NCR1: variants seen among roughly 807,000 people sequenced by gnomAD.
NCR1 encodes the protein natural cytotoxicity triggering receptor 1, also known as NK cell-activating receptor.
NCR1 carries 30 observed loss-of-function variants against 32.5 expected under a neutral mutation model. The ratio of observed to expected loss-of-function variants is 0.92; its 90% CI spans 0.69 to 1.25. The LOEUF (loss-of-function observed/expected upper bound fraction) is 1.25, where lower values mean the gene tolerates loss of function less well. NCR1 is among the 50% of genes most tolerant of loss of function. The pLI is 0.00. For missense variants in NCR1, 369 were observed against 380.7 expected (o/e 0.97, Z 0.26); for synonymous variants, 169 against 143.4 (o/e 1.18, Z -1.28).
chr19:54,901,105 A>G, the NCR1 span, among the ~76,000 whole-genome samples: 8 of 139,500 alleles, frequency 5.7e-5, no homozygotes, highest in African/African-American at 2.2e-4. Context: ...TAACATGGTG[A>G]AACCCCATCT....
the NCR1 span, among the ~76,000 whole-genome samples, chr19:54,935,445 T>A: frequency 3.3e-5 from 5 of 152,012 alleles, no homozygotes. Flanking sequence ...CCTGTAATCC[T>A]AGCACTTTGG....
chr19:54,916,797 C>T (rs910795812), downstream of NCR1, among the ~76,000 whole-genome samples: 18 of 147,648 alleles, frequency 1.2e-4, no homozygotes, highest in South Asian at 4.3e-4. Flanking sequence ...CTCCGCTTTC[C>T]GGGTTCAAGC....
the NCR1 span, among the ~76,000 whole-genome samples, chr19:54,921,590 G>T: frequency 6.6e-6 from 1 of 152,024 alleles, no homozygotes; most frequent in African/African-American, 2.4e-5. Flanking sequence ...TGGCTAACAT[G>T]GTGAAACCTC....
At chr19:54,908,480 C>G (rs1219068922) in intron 3 of NCR1, among the ~76,000 whole-genome samples, 1 of 152,098 alleles carries the variant, frequency 6.6e-6, no homozygotes, top group Non-Finnish European at 1.5e-5. Flanking sequence ...TCATCATGGC[C>G]CGTTCTCAAT....
intron 5 of NCR1, among the ~76,000 whole-genome samples, chr19:54,911,352 A>AAAAAAG (rs762610378): frequency 6.9e-6 from 1 of 145,910 alleles, no homozygotes; most frequent in East Asian, 2.0e-4. Flanking sequence ...CCGTCTCAAA[A>AAAAAAG]AAAAAGAAAA....
chr19:54,906,925 G>A (rs2067660617), intron 3 of NCR1, 118 bp downstream of exon 3: 4 of 1,232,360 alleles, frequency 3.2e-6, no homozygotes, highest in Non-Finnish European at 3.4e-6. Context: ...GAGGCTGGAA[G>A]GAGGGGTGAT....
chr19:54,901,214 C>T (rs891108983), upstream of NCR1, among the ~76,000 whole-genome samples: 11 of 150,126 alleles, frequency 7.3e-5, no homozygotes, highest in South Asian at 8.5e-4. Flanking sequence ...GGCATAAACT[C>T]GGGAGGCAGA....
At chr19:54,918,699 C>T (rs1414408735), downstream of NCR1, among the ~76,000 whole-genome samples, 1 of 151,972 alleles carries the variant, frequency 6.6e-6, no homozygotes, top group African/African-American at 2.4e-5. Flanking sequence ...CAGAGCCAGG[C>T]ACGGTGGCGG....
the NCR1 span, among the ~76,000 whole-genome samples, chr19:54,937,187 C>A: frequency 6.7e-6 from 1 of 149,108 alleles, no homozygotes; most frequent in Non-Finnish European, 1.5e-5. Flanking sequence ...CACTGCACTC[C>A]AGCCTGGGGA....
At chr19:54,934,703 T>A in the NCR1 span, 138 of 1,522,000 alleles carry the variant, frequency 9.1e-5, no homozygotes, top group African/African-American at 1.7e-3. The surrounding 1 kb of genome is among the most constrained non-coding windows in gnomAD (Gnocchi z 6.7). Context: ...GAGGACAGAG[T>A]ATACCCTATC....
the NCR1 span, chr19:54,936,230 T>A: frequency 3.7e-6 from 6 of 1,602,804 alleles, no homozygotes; most frequent in African/African-American, 8.0e-5. Context: ...GGACTCCAGG[T>A]GCTGGGGAGA....
chr19:54,910,425 C>T (rs1292708579), intron 5 of NCR1, among the ~76,000 whole-genome samples: 1 of 152,010 alleles, frequency 6.6e-6, no homozygotes, highest in Non-Finnish European at 1.5e-5. Context: ...CAAAAATTAG[C>T]CGGGCCTGGT....
chr19:54,923,792 T>A, the NCR1 span: 3 of 1,614,070 alleles, frequency 1.9e-6, no homozygotes, highest in East Asian at 6.7e-5. Flanking sequence ...AGCATTGCAA[T>A]CAATAGTCAG....
the NCR1 span, among the ~76,000 whole-genome samples, chr19:54,930,044 G>A: frequency 1.3e-5 from 2 of 149,210 alleles, no homozygotes; most frequent in Admixed American, 1.4e-4. Context: ...GAACCCGGGA[G>A]GAAGAGGTTG....
the NCR1 span, among the ~76,000 whole-genome samples, chr19:54,924,829 A>G: frequency 6.6e-6 from 1 of 152,252 alleles, no homozygotes; most frequent in Admixed American, 6.5e-5. Flanking sequence ...CCAGCTACTC[A>G]GGAGGCTGAG....
At chr19:54,912,565 C>T in intron 6 of NCR1, 125 bp from the exon 7 acceptor site, 3 of 808,106 alleles carry the variant, frequency 3.7e-6, no homozygotes, top group Non-Finnish European at 3.7e-6. Context: ...TGCCATTGCA[C>T]TCCAGCCTGG....
intron 4 of NCR1, 145 bp downstream of exon 4, chr19:54,909,668 A>G: frequency 4.0e-6 from 4 of 995,134 alleles, no homozygotes; most frequent in Non-Finnish European, 5.8e-6. Context: ...GAACACCAGA[A>G]GCAGGAAGGA....
chr19:54,916,317 C>CTTTTTTTTTTTTTTTTGTTTT (rs2068131526), downstream of NCR1, among the ~76,000 whole-genome samples: 1 of 87,124 alleles, frequency 1.1e-5, no homozygotes, highest in Non-Finnish European at 2.3e-5. Context: ...GAATATTGTG[C>CTTTTTTTTTTTTTTTTGTTTT]TTTTTTTTTT....
chr19:54,937,053 C>A, the NCR1 span, among the ~76,000 whole-genome samples: 1 of 150,854 alleles, frequency 6.6e-6, no homozygotes, highest in Non-Finnish European at 1.5e-5. Context: ...CCCGTCTTTA[C>A]TAAAATTACA....
Sources: allele counts gnomAD v4.1 joint callset (sites outside exome capture counted in the v4.1 genomes callset), GRCh38; gene constraint gnomAD v4.1.1; non-coding constraint Gnocchi (gnomAD v3.1); transcripts MANE v1.5; gene names NCBI Gene and HGNC (gene_info 2026-07-23, HGNC 2026-07-21).